Variants in THSD7B observed in about 807,000 individuals in gnomAD.
THSD7B encodes the protein thrombospondin type 1 domain containing 7B.
Under a neutral mutation model 213.6 loss-of-function variants are expected in THSD7B, and 138 were observed. The ratio of observed to expected loss-of-function variants is 0.65; its 90% confidence interval spans 0.56 to 0.74. THSD7B has a LOEUF of 0.74. THSD7B is among the 30% of genes least tolerant of loss of function. The pLI, the probability that THSD7B is intolerant of heterozygous loss-of-function variation, is 0.00. For missense variants in THSD7B, 1,931 were observed against 1,991.5 expected (o/e 0.97, Z 0.58); for synonymous variants, 742 against 687.0 (o/e 1.08, Z -1.25).
chr2:137,609,505 A>T (rs1468735263), intron 17 of THSD7B, among the ~76,000 whole-genome samples: 1 of 152,154 alleles, frequency 6.6e-6, no homozygotes, highest in African/African-American at 2.4e-5. Context: ...TGGGGCAAGG[A>T]AATGCTTGGA....
chr2:137,363,531 T>C (rs4954499), intron 12 of THSD7B, among the ~76,000 whole-genome samples: 84,289 of 150,822 alleles, frequency 0.56, 26,515 homozygotes, highest in East Asian at 0.78. Flanking sequence ...ATCAAATAGA[T>C]GCAATAAAAA....
chr2:136,994,128 G>C (rs1220072276), intron 2 of THSD7B, among the ~76,000 whole-genome samples: 1 of 152,164 alleles, frequency 6.6e-6, no homozygotes, highest in Non-Finnish European at 1.5e-5. Flanking sequence ...TTGCAGGAGG[G>C]ATTTGCTTGG....
chr2:137,474,372 C>T lies in THSD7B; in HGVS notation c.3138+23349C>T, dbSNP rs180925164. ...TTCAGCTTTTACTTGTCAAAGTCCA[C>T]TCCCTTTGGTCTCCCTTTTCTCTAT... On this transcript the variant is annotated intron_variant, in intron 15 of 27. Coordinates refer to ENST00000409968, the MANE Select transcript of THSD7B (RefSeq NM_001316349.2). Among the ~76,000 whole-genome samples the T allele has an allele frequency of 5.3e-5, 8 of 152,300 alleles. No homozygotes were observed. In the East Asian group the frequency reaches 1.4e-3, roughly 26 times the overall value.
chr2:137,278,387 A>G (rs1036365074), intron 12 of THSD7B, among the ~76,000 whole-genome samples: 9 of 152,150 alleles, frequency 5.9e-5, no homozygotes, highest in Non-Finnish European at 1.2e-4. Flanking sequence ...AAATAGAACA[A>G]TATCTTCTAA....
At chr2:137,114,512 C>G (rs1300612243) in intron 4 of THSD7B, among the ~76,000 whole-genome samples, 1 of 152,118 alleles carries the variant, frequency 6.6e-6, no homozygotes, top group Non-Finnish European at 1.5e-5. Context: ...GTTTATATAA[C>G]AGTATGGCTG....
chr2:137,083,238 A>G (rs1457847466), intron 3 of THSD7B, among the ~76,000 whole-genome samples: 6 of 152,150 alleles, frequency 3.9e-5, no homozygotes, highest in African/African-American at 1.2e-4. Context: ...CATTTTTATC[A>G]AATAACACCT....
intron 15 of THSD7B, among the ~76,000 whole-genome samples, chr2:137,533,551 T>G (rs1008581496): frequency 3.9e-5 from 6 of 152,010 alleles, no homozygotes; most frequent in South Asian, 2.1e-4. Context: ...TTGCTTTGTT[T>G]GTTTTAGATC....
At position 137,053,681 on chromosome 2, in the gene THSD7B, T is replaced by C. The variant is rs80293469; in HGVS notation, c.140-2739T>C. Among the ~76,000 whole-genome samples the C allele has an allele frequency of 3.5e-3, 528 of 152,260 alleles. 8 individuals carry two copies. The East Asian group carries it at 0.043, about 12-fold the overall frequency. Reference sequence around the variant, plus strand: ...TAAGTGTAATATTAACTTTTGAAGATTGACCAGAAATAGGTCCAACTTTTC... The same window carrying C: ...TAAGTGTAATATTAACTTTTGAAGACTGACCAGAAATAGGTCCAACTTTTC... On this transcript the variant is annotated intron_variant, in intron 2 of 27. Transcript: ENST00000409968.
chr2:136,907,400 A>G (rs1172055075), intron 2 of THSD7B, among the ~76,000 whole-genome samples: 3 of 152,220 alleles, frequency 2.0e-5, no homozygotes, highest in Non-Finnish European at 4.4e-5. Flanking sequence ...TTACAAAGGT[A>G]GAAATATTGT....
intron 2 of THSD7B, among the ~76,000 whole-genome samples, chr2:136,915,337 A>G (rs1684332299): frequency 6.6e-6 from 1 of 152,256 alleles, no homozygotes; most frequent in Admixed American, 6.5e-5. Context: ...GGACTTTATC[A>G]TAAATTGCTG....
At chr2:137,386,899 C>A (rs188398956) in intron 12 of THSD7B, among the ~76,000 whole-genome samples, 9 of 152,288 alleles carry the variant, frequency 5.9e-5, no homozygotes, top group African/African-American at 2.2e-4. Context: ...AAAAAATTAA[C>A]TATGAGACAC....
chr2:137,023,548 G>C (rs1484338711), intron 2 of THSD7B, among the ~76,000 whole-genome samples: 1 of 152,196 alleles, frequency 6.6e-6, no homozygotes, highest in African/African-American at 2.4e-5. Context: ...AGGGAAGTAA[G>C]GAGCTTTGAG....
chr2:136,908,291 T>G (rs1163990343), intron 2 of THSD7B, among the ~76,000 whole-genome samples: 1 of 152,224 alleles, frequency 6.6e-6, no homozygotes, highest in South Asian at 2.1e-4. Flanking sequence ...TTTATGTTGA[T>G]TGGCCAGTTG....
At chr2:137,478,040 T>C (rs1688228359) in intron 15 of THSD7B, among the ~76,000 whole-genome samples, 1 of 152,142 alleles carries the variant, frequency 6.6e-6, no homozygotes, top group Non-Finnish European at 1.5e-5. Context: ...GTTTGACGTT[T>C]GAGACTGTGA....
At chr2:136,948,937 G>A (rs1290562321) in intron 2 of THSD7B, among the ~76,000 whole-genome samples, 1 of 152,090 alleles carries the variant, frequency 6.6e-6, no homozygotes, top group Non-Finnish European at 1.5e-5. Flanking sequence ...AGAATTCACT[G>A]AGTCTGTTGA....
chr2:137,553,775 T>A (rs1346465145), intron 15 of THSD7B, among the ~76,000 whole-genome samples: 1 of 152,194 alleles, frequency 6.6e-6, no homozygotes, highest in Non-Finnish European at 1.5e-5. Context: ...GATTCCCTGA[T>A]AAAGTCCATG....
At chr2:137,165,699 T>C (rs1680114919) in intron 6 of THSD7B, among the ~76,000 whole-genome samples, 1 of 152,048 alleles carries the variant, frequency 6.6e-6, no homozygotes, top group Non-Finnish European at 1.5e-5. Flanking sequence ...TAAAATGCAG[T>C]GATTCCACTA....
At chr2:137,049,111 G>C (rs1348512488) in intron 2 of THSD7B, among the ~76,000 whole-genome samples, 1 of 152,236 alleles carries the variant, frequency 6.6e-6, no homozygotes, top group African/African-American at 2.4e-5. Context: ...TTTATGGGAT[G>C]AAAACATTTC....
intron 2 of THSD7B, among the ~76,000 whole-genome samples, chr2:137,045,179 C>T (rs1177747405): frequency 4.6e-5 from 7 of 151,350 alleles, no homozygotes; most frequent in Non-Finnish European, 8.9e-5. Context: ...CAACATATGA[C>T]TTGTTTTTTT....
Sources: allele counts gnomAD v4.1 joint callset (sites outside exome capture counted in the v4.1 genomes callset), GRCh38; gene constraint gnomAD v4.1.1; transcripts MANE v1.5; gene names NCBI Gene and HGNC (gene_info 2026-07-23, HGNC 2026-07-21).